RETREG1: variants seen among roughly 807,000 people sequenced by gnomAD.
RETREG1 encodes reticulophagy regulator 1.
Under a neutral mutation model 54.8 loss-of-function variants are expected in RETREG1, and 44 were observed. The ratio of observed to expected loss-of-function variants is 0.80; its 90% CI spans 0.63 to 1.03. RETREG1 has a LOEUF of 1.03. RETREG1 is among the 50% of genes least tolerant of loss of function. The pLI is 0.00. For synonymous variants in RETREG1, 217 were observed against 238.5 expected (o/e 0.91, Z 0.83); for missense variants, 554 against 605.1 (o/e 0.92, Z 0.89).
At chr5:16,526,820 C>T (rs1740729739) in intron 3 of RETREG1, among the ~76,000 whole-genome samples, 1 of 152,188 alleles carries the variant, frequency 6.6e-6, no homozygotes. Flanking sequence ...CGCCAGGTCC[C>T]CCTTACGGAA....
At chr5:16,493,332 AT>A (rs1241052104) in intron 3 of RETREG1, among the ~76,000 whole-genome samples, 3 of 152,198 alleles carry the variant, frequency 2.0e-5, no homozygotes, top group African/African-American at 7.2e-5. Context: ...TAATTTTAAC[AT>A]TTTAATAACT....
chr5:16,605,016 C>A (rs1385288211), intron 1 of RETREG1, among the ~76,000 whole-genome samples: 1 of 151,968 alleles, frequency 6.6e-6, no homozygotes, highest in Non-Finnish European at 1.5e-5. Flanking sequence ...TATATATGCA[C>A]CTTGGAAAAA....
chr5:16,523,495 C>T lies in RETREG1; in HGVS notation c.459-40023G>A, dbSNP rs77901545. 5.2e-3 allele frequency among the ~76,000 whole-genome samples: 796 copies of T among 152,204 alleles called. 8 individuals are homozygous for T. The highest frequency in any genetic ancestry group is 0.018 in the African/African-American group (744 of 41,518). ...TGGGGGGAGAGTCCATGAGGTGAAG[C>T]GCCCCTCTCCTCACATCATATTTCG... On this transcript the variant is annotated intron_variant, in intron 3 of 8. Coordinates refer to ENST00000306320, the MANE Select transcript of RETREG1 (RefSeq NM_001034850.3).
intron 1 of RETREG1, among the ~76,000 whole-genome samples, chr5:16,590,577 T>C (rs2126339578): frequency 6.6e-6 from 1 of 152,230 alleles, no homozygotes; most frequent in Non-Finnish European, 1.5e-5. Context: ...TAAGTGAAAC[T>C]CGGGGCGTGT....
In RETREG1 at chr5:16,549,553, G is replaced by T. The variant is rs888260802; in HGVS notation, c.458+16210C>A. Among the ~76,000 whole-genome samples the T allele has an allele frequency of 1.2e-4, 19 of 152,158 alleles. 1 individual carries two copies. Among genetic ancestry groups the T allele is most frequent in the Admixed American group, 1.2e-3 (19 of 15,290 alleles). On this transcript the variant is annotated intron_variant, in intron 3 of 8. Transcript: ENST00000306320. ...GCCTATTTCTCAATTTAAAAATAAA[G>T]TTTCTGTTCCATTTAGACATTCTCT...
At chr5:16,580,591 G>A (rs1044918157) in intron 1 of RETREG1, among the ~76,000 whole-genome samples, 5 of 152,172 alleles carry the variant, frequency 3.3e-5, no homozygotes, top group Non-Finnish European at 5.9e-5. Flanking sequence ...ACAGAAACGT[G>A]TGGTAACCAT....
intron 3 of RETREG1, among the ~76,000 whole-genome samples, chr5:16,525,018 G>A (rs897089941): frequency 3.3e-5 from 5 of 151,116 alleles, no homozygotes; most frequent in East Asian, 2.0e-4. Context: ...GTGGATGTGC[G>A]TGGGGGACAC....
chr5:16,570,944 G>C (rs1742157453), intron 2 of RETREG1, among the ~76,000 whole-genome samples: 1 of 152,160 alleles, frequency 6.6e-6, no homozygotes, highest in Non-Finnish European at 1.5e-5. Flanking sequence ...AAAGCACTAA[G>C]GGCACAAAAC....
chr5:16,500,945 C>G (rs1267951073), intron 3 of RETREG1, among the ~76,000 whole-genome samples: 3 of 152,064 alleles, frequency 2.0e-5, no homozygotes. Context: ...GAGACTACCA[C>G]CTAGAGAGAG....
intron 3 of RETREG1, among the ~76,000 whole-genome samples, chr5:16,521,402 A>T (rs1418799288): frequency 6.6e-6 from 1 of 152,204 alleles, no homozygotes; most frequent in Non-Finnish European, 1.5e-5. Context: ...ATGTTCCTGC[A>T]TGCTTTCCTA....
chr5:16,545,375 A>AG (rs1741357190), intron 3 of RETREG1, among the ~76,000 whole-genome samples: 1 of 152,082 alleles, frequency 6.6e-6, no homozygotes, highest in Admixed American at 6.6e-5. Flanking sequence ...TTGGTGTTAG[A>AG]GGGGGAGAGA....
intron 3 of RETREG1, among the ~76,000 whole-genome samples, chr5:16,525,659 A>G (rs892233797): frequency 6.6e-6 from 1 of 152,162 alleles, no homozygotes; most frequent in African/African-American, 2.4e-5. Flanking sequence ...TAGGGGATCA[A>G]TTTAAGCAAA....
intron 3 of RETREG1, among the ~76,000 whole-genome samples, chr5:16,506,567 G>T (rs144433820): frequency 1.3e-5 from 2 of 149,722 alleles, no homozygotes; most frequent in African/African-American, 4.9e-5. Flanking sequence ...TCCACCTCCC[G>T]GGCTCAGGTG....
intron 3 of RETREG1, among the ~76,000 whole-genome samples, chr5:16,559,429 G>A (rs1741796623): frequency 6.6e-6 from 1 of 152,204 alleles, no homozygotes. Context: ...CTAGCTGCAA[G>A]CTCGGGAAGC....
chr5:16,473,282 T>G lies in RETREG1; in HGVS notation c.*1459A>C, dbSNP rs1738378171. ...ATAAGCAATCACAAAAAGCAAGTGT[T>G]CAAAGTCTTCAGTAACTCTTCTCCC... is the stretch of plus-strand genomic sequence containing the variant. On this transcript the variant is annotated 3_prime_UTR_variant, in exon 9 of 9. Coordinates refer to ENST00000306320, the MANE Select transcript of RETREG1 (RefSeq NM_001034850.3). 6.6e-6 allele frequency: 1 copy of G among 152,572 alleles called. No homozygotes were observed. The highest frequency in any genetic ancestry group is 2.1e-4 in the South Asian group (1 of 4,830). The allele number at this position is 152,572 out of a possible 1,614,324, so 9.5% of individuals were successfully genotyped here. A position where few individuals can be genotyped will look rare whatever the true frequency, so the allele number is the denominator to read the frequency against.
At chr5:16,605,323 G>A (rs1050438508) in intron 1 of RETREG1, among the ~76,000 whole-genome samples, 5 of 152,154 alleles carry the variant, frequency 3.3e-5, no homozygotes, top group African/African-American at 9.7e-5. Context: ...CCAGGAATCA[G>A]AAGAAAAGGC....
At chr5:16,562,460 G>T (rs1227000249) in intron 3 of RETREG1, among the ~76,000 whole-genome samples, 4 of 152,168 alleles carry the variant, frequency 2.6e-5, no homozygotes, top group Admixed American at 2.6e-4. Context: ...CCTTAAGGGT[G>T]CCATCTTCAG....
chr5:16,575,971 A>G (rs892148806), intron 1 of RETREG1, among the ~76,000 whole-genome samples: 2 of 152,246 alleles, frequency 1.3e-5, no homozygotes, highest in Non-Finnish European at 2.9e-5. Flanking sequence ...TTGGAAATTT[A>G]AAATCTTACA....
In RETREG1 at chr5:16,597,286, T is replaced by C. The variant is rs1742925421; in HGVS notation, c.320+19366A>G. On this transcript the variant is annotated intron_variant, in intron 1 of 8. Coordinates refer to ENST00000306320, the MANE Select transcript of RETREG1 (RefSeq NM_001034850.3). The surrounding 1 kb of genome is among the most constrained non-coding windows in gnomAD (Gnocchi z 4.3). Reference sequence around the variant, plus strand: ...CCTCCTCCAACAGTTGTTATGTATATGGAGTAAGAGACACTACAGGTGAAC... The same window carrying C: ...CCTCCTCCAACAGTTGTTATGTATACGGAGTAAGAGACACTACAGGTGAAC... 1.3e-5 allele frequency among the ~76,000 whole-genome samples: 2 copies of C among 152,226 alleles called. No individual in the cohort carries two copies. Among genetic ancestry groups the C allele is most frequent in the South Asian group, 4.1e-4 (2 of 4,830 alleles).
Sources: allele counts gnomAD v4.1 joint callset (sites outside exome capture counted in the v4.1 genomes callset), GRCh38; gene constraint gnomAD v4.1.1; non-coding constraint Gnocchi (gnomAD v3.1); transcripts MANE v1.5; gene names NCBI Gene and HGNC (gene_info 2026-07-23, HGNC 2026-07-21).